WHRN: variants seen among roughly 807,000 people sequenced by gnomAD.
The protein encoded by WHRN is CASK-interacting protein CIP98.
Under a neutral mutation model 68.3 loss-of-function variants are expected in WHRN, and 41 were observed. The observed-to-expected ratio is 0.60, with a 90% CI of 0.47 to 0.78. The LOEUF (loss-of-function observed/expected upper bound fraction) is 0.78. WHRN is among the 30% of genes least tolerant of loss of function. The pLI is 0.00. For missense variants in WHRN, 1,243 were observed against 1,244.7 expected, an observed-to-expected ratio of 1.00 and a Z score of 0.02; for synonymous variants, 560 against 561.3, an observed-to-expected ratio of 1.00 and a Z score of 0.03.
At chr9:114,423,286 A>G (rs759378365) in intron 7 of WHRN, 28 bp downstream of exon 7, 105 of 1,612,320 alleles carry the variant, frequency 6.5e-5, no homozygotes, top group Non-Finnish European at 8.7e-5. Context: ...CTGGCTACTA[A>G]GCCAGGGACA....
chr9:114,503,251 C>G, intron 1 of WHRN: 4 of 946,538 alleles, frequency 4.2e-6, no homozygotes, highest in Non-Finnish European at 5.0e-6. Flanking sequence ...AACAGTCCAA[C>G]CCCCTGAGAA....
rs778445696 is a variant in WHRN at position 114,424,546 on chromosome 9, G to C, written c.1204C>G (p.Pro402Ala). 1 of 1,609,956 alleles carries C rather than the reference G, an allele frequency of 6.2e-7. No homozygotes were observed. Among genetic ancestry groups the C allele is most frequent in the Non-Finnish European group, 8.5e-7 (1 of 1,178,094 alleles). ...CCGGCTGGGCCCTTGTAAAATCCTG[G>C]CTGCAAGACAGAAAGATAGAAGCCC... ...GDLTTEGINK[P>A]GFYKGPAGSQ... The change falls in exon 6 of 12, where the codon CCA becomes GCA. Residue 402 changes from proline (P) to alanine (A), a missense_variant and splice_region_variant. Transcript: ENST00000362057.
chr9:114,415,722 G>C (rs540406181), intron 7 of WHRN, among the ~76,000 whole-genome samples: 16 of 152,354 alleles, frequency 1.1e-4, no homozygotes, highest in African/African-American at 3.6e-4. Flanking sequence ...GCAGGCAGGA[G>C]ATGCTCCACA....
chr9:114,492,051 G>A (rs1466596379), intron 1 of WHRN, among the ~76,000 whole-genome samples: 2 of 148,552 alleles, frequency 1.3e-5, no homozygotes, highest in African/African-American at 4.9e-5. Flanking sequence ...CACTATTTAA[G>A]TTATGTAAAT....
chr9:114,463,892 C>T (rs1160296229), intron 3 of WHRN, among the ~76,000 whole-genome samples: 1 of 152,176 alleles, frequency 6.6e-6, no homozygotes, highest in Admixed American at 6.5e-5. Context: ...AGTTCTAGAA[C>T]CAGACTCCTC....
intron 3 of WHRN, among the ~76,000 whole-genome samples, chr9:114,449,512 G>A (rs181274832): frequency 2.6e-5 from 4 of 152,332 alleles, no homozygotes; most frequent in Admixed American, 2.0e-4. Context: ...ACCAAGGGCC[G>A]CTGTAAAGAC....
At chr9:114,415,792 CCT>C (rs1801961590) in intron 7 of WHRN, among the ~76,000 whole-genome samples, 1 of 152,300 alleles carries the variant, frequency 6.6e-6, no homozygotes, top group Non-Finnish European at 1.5e-5. Context: ...ACATGGAGTT[CCT>C]CTCTTACCCC....
At chr9:114,458,401 A>T (rs1042299881) in intron 3 of WHRN, among the ~76,000 whole-genome samples, 1 of 152,328 alleles carries the variant, frequency 6.6e-6, no homozygotes, top group South Asian at 2.1e-4. Context: ...AATGTAGCAA[A>T]TGTGTATTTT....
chr9:114,483,130 T>A (rs535503667), intron 1 of WHRN, among the ~76,000 whole-genome samples: 2 of 152,312 alleles, frequency 1.3e-5, no homozygotes, highest in East Asian at 3.9e-4. Flanking sequence ...GGGATAAATA[T>A]GGGCTTTTTC....
At chr9:114,430,626 T>C (rs1837333487) in intron 3 of WHRN, among the ~76,000 whole-genome samples, 1 of 152,216 alleles carries the variant, frequency 6.6e-6, no homozygotes, top group African/African-American at 2.4e-5. Flanking sequence ...TAGGCATTAA[T>C]ATGCGTGAAA....
chr9:114,449,040 G>A (rs922987783), intron 3 of WHRN, among the ~76,000 whole-genome samples: 3 of 152,152 alleles, frequency 2.0e-5, no homozygotes, highest in African/African-American at 7.2e-5. Flanking sequence ...GCCCCATATA[G>A]TTACCTACCT....
At chr9:114,498,536 T>C (rs1843653130) in intron 1 of WHRN, among the ~76,000 whole-genome samples, 1 of 152,152 alleles carries the variant, frequency 6.6e-6, no homozygotes, top group Non-Finnish European at 1.5e-5. Context: ...AGAGAATGTA[T>C]GGATGCATGT....
At chr9:114,405,596 G>A (rs1436994263) in intron 9 of WHRN, among the ~76,000 whole-genome samples, 2 of 152,184 alleles carry the variant, frequency 1.3e-5, no homozygotes, top group African/African-American at 4.8e-5. Context: ...TGATCCATCT[G>A]TGACAGCCCT....
intron 1 of WHRN, among the ~76,000 whole-genome samples, chr9:114,497,275 A>G (rs1344671585): frequency 6.6e-6 from 1 of 152,194 alleles, no homozygotes; most frequent in East Asian, 1.9e-4. Flanking sequence ...GAGAAAAAAA[A>G]TCATGACGAA....
At chr9:114,438,099 A>G (rs1486024390) in intron 3 of WHRN, among the ~76,000 whole-genome samples, 1 of 152,052 alleles carries the variant, frequency 6.6e-6, no homozygotes, top group African/African-American at 2.4e-5. Flanking sequence ...GCCAGGTGTG[A>G]TGCTGCATGC....
chr9:114,427,840 G>C (rs976988145), intron 3 of WHRN, among the ~76,000 whole-genome samples: 4 of 152,226 alleles, frequency 2.6e-5, no homozygotes, highest in Non-Finnish European at 5.9e-5. Context: ...GGTCTGTGCT[G>C]CATTTCAAGC....
At chr9:114,494,563 C>T (rs185378902) in intron 1 of WHRN, among the ~76,000 whole-genome samples, 2 of 152,328 alleles carry the variant, frequency 1.3e-5, no homozygotes, top group African/African-American at 2.4e-5. Context: ...CCCAGGGCTT[C>T]GGAGCTCAGG....
chr9:114,423,628 C>T (rs1836527515), intron 6 of WHRN, 105 bp from the exon 7 acceptor site: 4 of 1,135,020 alleles, frequency 3.5e-6, no homozygotes, highest in African/African-American at 3.1e-5. Context: ...GACCCTGCCT[C>T]CCCTCCTTAA....
chr9:114,486,156 C>T (rs1842458196), intron 1 of WHRN, among the ~76,000 whole-genome samples: 1 of 152,166 alleles, frequency 6.6e-6, no homozygotes, highest in Admixed American at 6.5e-5. Context: ...AAACAGAGGT[C>T]CCAGAAATTC....
Sources: allele counts gnomAD v4.1 joint callset (sites outside exome capture counted in the v4.1 genomes callset), GRCh38; gene constraint gnomAD v4.1.1; transcripts MANE v1.5; gene names NCBI Gene and HGNC (gene_info 2026-07-23, HGNC 2026-07-21).